Variants in SHISAL2B observed in about 807,000 individuals in gnomAD.
The protein encoded by SHISAL2B is shisa like 2B.
A neutral mutation model predicts 16.5 loss-of-function variants in SHISAL2B; 12 were observed. That is an observed-to-expected ratio of 0.73 (90% CI 0.47 to 1.18). SHISAL2B has a LOEUF of 1.18. Ranked by LOEUF, SHISAL2B falls within the 50% of genes most tolerant of loss-of-function variation. The probability of loss-of-function intolerance (pLI) is 0.00; values close to 1 mark genes in which losing one functional copy is unlikely to be tolerated. For synonymous variants in SHISAL2B, 72 were observed against 75.0 expected (o/e 0.96, Z 0.21); for missense variants, 183 against 193.6 (o/e 0.95, Z 0.33).
At chr5:64,706,817 T>C (rs1035707138) in intron 2 of SHISAL2B, among the ~76,000 whole-genome samples, 5 of 152,228 alleles carry the variant, frequency 3.3e-5, no homozygotes, top group Admixed American at 6.5e-5. Context: ...GTTGTCTAGC[T>C]TCAGTTTGCA....
chr5:64,695,287 G>A (rs1405128656), intron 1 of SHISAL2B, among the ~76,000 whole-genome samples: 9 of 150,792 alleles, frequency 6.0e-5, no homozygotes. Flanking sequence ...AAAGTAATGT[G>A]TAAATTTAAA....
intron 2 of SHISAL2B, among the ~76,000 whole-genome samples, chr5:64,696,744 G>A (rs887226425): frequency 4.6e-5 from 7 of 152,152 alleles, no homozygotes; most frequent in East Asian, 1.9e-4. Flanking sequence ...CTCTGCTCTC[G>A]AACCCTGTTT....
intron 2 of SHISAL2B, 32 bp downstream of exon 2, chr5:64,695,696 C>T: frequency 1.4e-6 from 2 of 1,437,550 alleles, no homozygotes; most frequent in Non-Finnish European, 1.8e-6. Context: ...TTACCAATTA[C>T]CTGAACTCTA....
At chr5:64,697,703 A>C (rs183127017) in intron 2 of SHISAL2B, among the ~76,000 whole-genome samples, 1 of 152,190 alleles carries the variant, frequency 6.6e-6, no homozygotes, top group Non-Finnish European at 1.5e-5. Flanking sequence ...GGATTTATGT[A>C]TGTATTTAGA....
intron 2 of SHISAL2B, among the ~76,000 whole-genome samples, chr5:64,702,325 T>A (rs1460217544): frequency 6.6e-6 from 1 of 152,044 alleles, no homozygotes; most frequent in Non-Finnish European, 1.5e-5. Context: ...CTCAGCCTCC[T>A]GAGTAGCTGG....
intron 2 of SHISAL2B, among the ~76,000 whole-genome samples, chr5:64,697,509 A>T (rs1741756019): frequency 6.6e-6 from 1 of 152,120 alleles, no homozygotes; most frequent in African/African-American, 2.4e-5. Context: ...CCATTATAAA[A>T]CTCAATTGCA....
chr5:64,714,168 G>C (rs1412458331), intron 2 of SHISAL2B, among the ~76,000 whole-genome samples: 1 of 147,572 alleles, frequency 6.8e-6, no homozygotes, highest in Non-Finnish European at 1.5e-5. Context: ...CATCTTTGTG[G>C]TTTTATCTAC....
intron 2 of SHISAL2B, among the ~76,000 whole-genome samples, chr5:64,707,960 C>T (rs890791854): frequency 3.3e-5 from 5 of 152,136 alleles, no homozygotes; most frequent in African/African-American, 1.2e-4. Flanking sequence ...GAGCACCTAT[C>T]AAAGTCCTAC....
intron 2 of SHISAL2B, among the ~76,000 whole-genome samples, chr5:64,712,244 GT>G (rs1381613215): frequency 6.0e-5 from 9 of 150,770 alleles, no homozygotes; most frequent in African/African-American, 1.9e-4. Flanking sequence ...TTGTGTCTTT[GT>G]TCTTGTTGGT....
rs1443172420 is a variant in SHISAL2B at position 64,716,346 on chromosome 5, TCAA to T, written c.350-1541_350-1539del. 9.8e-5 allele frequency among the ~76,000 whole-genome samples: 15 copies of T among 152,320 alleles called. No homozygotes were observed. The East Asian group carries it at 2.9e-3, about 29-fold the overall frequency. ...TCTGTCTTATCCTTTATTAATACAC[TCAA>T]CTAATATTTATTGAACAACTATGTG... is the stretch of plus-strand genomic sequence containing the variant. On this transcript the variant is annotated intron_variant, in intron 2 of 2. Coordinates refer to ENST00000389074, the MANE Select transcript of SHISAL2B (RefSeq NM_001164442.2).
chr5:64,716,076 T>C (rs28460304), intron 2 of SHISAL2B, among the ~76,000 whole-genome samples: 1,738 of 152,340 alleles, frequency 0.011, 32 homozygotes, highest in African/African-American at 0.04. Flanking sequence ...CCTCACCTAA[T>C]TGAGAGATGA....
intron 2 of SHISAL2B, among the ~76,000 whole-genome samples, chr5:64,700,137 C>T (rs1442067533): frequency 1.3e-5 from 2 of 152,074 alleles, no homozygotes; most frequent in Non-Finnish European, 1.5e-5. Flanking sequence ...GTGTGAAAGG[C>T]ACCCTTCTGA....
chr5:64,692,507 A>C (rs1741665281), intron 1 of SHISAL2B, among the ~76,000 whole-genome samples: 2 of 152,216 alleles, frequency 1.3e-5, no homozygotes, highest in Admixed American at 1.3e-4. Flanking sequence ...CTCTGAGAAC[A>C]CAATAGGGAG....
chr5:64,693,598 C>T (rs960365437), intron 1 of SHISAL2B, among the ~76,000 whole-genome samples: 2 of 152,140 alleles, frequency 1.3e-5, no homozygotes, highest in African/African-American at 4.8e-5. Flanking sequence ...CTCTTATCTG[C>T]TCTGTGCACC....
intron 2 of SHISAL2B, among the ~76,000 whole-genome samples, chr5:64,710,518 G>A (rs1261059283): frequency 5.9e-5 from 4 of 67,342 alleles, no homozygotes; most frequent in South Asian, 5.0e-4. Context: ...TTGGCGATGC[G>A]GGCTCTTTTT....
At chr5:64,708,090 AATAATT>A (rs1561376671) in intron 2 of SHISAL2B, among the ~76,000 whole-genome samples, 1 of 152,186 alleles carries the variant, frequency 6.6e-6, no homozygotes, top group Non-Finnish European at 1.5e-5. Context: ...AGTTTTACAT[AATAATT>A]ATAATTATTA....
chr5:64,712,326 A>C (rs1375678367), intron 2 of SHISAL2B, among the ~76,000 whole-genome samples: 1 of 152,184 alleles, frequency 6.6e-6, no homozygotes, highest in African/African-American at 2.4e-5. Flanking sequence ...CATGTTGTTC[A>C]GTTTCCATGT....
intron 1 of SHISAL2B, 65 bp downstream of exon 1, chr5:64,690,879 G>C: frequency 7.2e-7 from 1 of 1,380,454 alleles, no homozygotes; most frequent in Non-Finnish European, 9.6e-7. Context: ...GACAAGCGGA[G>C]CCACGCCAGG....
chr5:64,697,006 G>A (rs574806724), intron 2 of SHISAL2B, among the ~76,000 whole-genome samples: 9 of 152,148 alleles, frequency 5.9e-5, no homozygotes, highest in South Asian at 4.2e-4. Context: ...CTGGTTTTGC[G>A]GCTCAGGTGG....
Sources: allele counts gnomAD v4.1 joint callset (sites outside exome capture counted in the v4.1 genomes callset), GRCh38; gene constraint gnomAD v4.1.1; transcripts MANE v1.5; gene names NCBI Gene and HGNC (gene_info 2026-07-23, HGNC 2026-07-21).